CP: variants seen among roughly 807,000 people sequenced by gnomAD.
CP encodes the protein caeruloplasmin.
CP carries 64 observed loss-of-function variants against 122.4 expected under a neutral mutation model. That is an observed-to-expected ratio of 0.52 (90% CI 0.43 to 0.64). The LOEUF is 0.64. Ranked by LOEUF, CP falls within the 30% of genes least tolerant of loss-of-function variation. The pLI is 0.00. For missense variants in CP, 1,167 were observed against 1,284.4 expected, an observed-to-expected ratio of 0.91 and a Z score of 1.40; for synonymous variants, 440 against 436.4, an observed-to-expected ratio of 1.01 and a Z score of -0.10.
Position 149,172,518 on chromosome 3 carries a change from AC to A in CP, c.*1195del, listed in dbSNP as rs1249250776. On this transcript the variant is annotated 3_prime_UTR_variant, in exon 19 of 19. Transcript: ENST00000264613. Reference sequence around the variant, plus strand: ...CATACATTTTTTAAGGTGGGGATTGACTTTTATTCCAAGGAACAACATCAGT... The same window carrying A: ...CATACATTTTTTAAGGTGGGGATTGATTTTATTCCAAGGAACAACATCAGT... The A allele has an allele frequency of 7.1e-6, 2 of 280,330 alleles. No individual in the cohort carries two copies. The highest frequency in any genetic ancestry group is 4.4e-5 in the African/African-American group (2 of 45,428). 17.4% of individuals were successfully genotyped at this position (280,330 alleles called of 1,614,324 possible). A position where few individuals can be genotyped will look rare whatever the true frequency, so the allele number is the denominator to read the frequency against.
chr3:149,178,869 A>G (rs1725596202), intron 15 of CP, among the ~76,000 whole-genome samples: 2 of 152,230 alleles, frequency 1.3e-5, no homozygotes. Flanking sequence ...CTGCAGAGGC[A>G]AAAATTAGCT....
chr3:149,212,330 T>C (rs1291659283), intron 2 of CP, 121 bp downstream of exon 2: 2 of 1,009,776 alleles, frequency 2.0e-6, no homozygotes, highest in Non-Finnish European at 2.8e-6. Context: ...AAAAAAAAAA[T>C]AGTTAAGAGC....
At chr3:149,162,717 A>G in exon 6 of CP, 1 of 1,614,032 alleles carries the variant, frequency 6.2e-7, no homozygotes. Context: ...TGAAGATACA[A>G]TTCCTCAGCT....
chr3:149,198,629 A>G (rs752223802), intron 8 of CP, 51 bp from the exon 9 acceptor site: 7 of 1,516,234 alleles, frequency 4.6e-6, no homozygotes, highest in Non-Finnish European at 6.4e-6. Context: ...TAACGTGGTC[A>G]TTTGAGCCAC....
At chr3:149,216,811 A>C (rs116756443) in intron 1 of CP, among the ~76,000 whole-genome samples, 2,311 of 152,038 alleles carry the variant, frequency 0.015, 69 homozygotes, top group African/African-American at 0.053. Context: ...GAATTTGGTC[A>C]GTGTGAAATG....
chr3:149,167,343 C>T (rs1442548476), intron 4 of CP: 2 of 869,604 alleles, frequency 2.3e-6, no homozygotes, highest in African/African-American at 1.7e-5. Flanking sequence ...GCTAATCCAA[C>T]ATCATAAGGC....
downstream of CP, chr3:149,167,831 T>G: frequency 1.0e-6 from 1 of 976,048 alleles, no homozygotes; most frequent in Non-Finnish European, 1.7e-6. Flanking sequence ...CTTCTTATTC[T>G]CCTTTGAAAT....
chr3:149,168,931 C>A (rs1320487927), downstream of CP, among the ~76,000 whole-genome samples: 1 of 152,128 alleles, frequency 6.6e-6, no homozygotes, highest in Non-Finnish European at 1.5e-5. Flanking sequence ...AAGACTCTTT[C>A]TTCATCCTTT....
At position 149,181,985 on chromosome 3, in the gene CP, A is replaced by ACCCCCG. The variant is rs1553758504; in HGVS notation, c.2554+14_2554+19dup. On this transcript the variant is annotated intron_variant, in intron 14 of 18. Coordinates refer to ENST00000264613, the MANE Select transcript of CP (RefSeq NM_000096.4). ...CAGCCTGTTAAAATGCACCACCCCCACCCCCGCCCCCGTGAGTACCTGGTA... is the reference window on the plus strand; with the variant it reads ...CAGCCTGTTAAAATGCACCACCCCCACCCCCGCCCCCGCCCCCGTGAGTACCTGGTA... The ACCCCCG allele has an allele frequency of 9.8e-6, 4 of 409,044 alleles. No homozygotes were observed. The highest frequency in any genetic ancestry group is 3.6e-5 in the South Asian group (2 of 55,238). The allele number at this position is 409,044 out of a possible 1,614,324, so 25.3% of individuals were successfully genotyped here.
rs543522609 is a variant in CP at position 149,180,559 on chromosome 3, T to A, written c.2555-897A>T. Among the ~76,000 whole-genome samples, 12 of 152,286 alleles carry A rather than the reference T, an allele frequency of 7.9e-5. No homozygotes were observed. The South Asian group carries it at 2.5e-3, about 32-fold the overall frequency. ...CCATTACATATTCATGCTATCACAC[T>A]AACCTGCCAGAGTCCAACAGACATT... On this transcript the variant is annotated intron_variant, in intron 14 of 18. Coordinates refer to ENST00000264613, the MANE Select transcript of CP (RefSeq NM_000096.4).
At chr3:149,219,017 T>C (rs1291871984) in intron 1 of CP, among the ~76,000 whole-genome samples, 12 of 152,198 alleles carry the variant, frequency 7.9e-5, no homozygotes, top group Admixed American at 7.9e-4. Flanking sequence ...GGGCTAAACA[T>C]GCTGCAAATC....
At chr3:149,206,059 A>T (rs2108286961) in intron 6 of CP, 109 bp downstream of exon 6, 1 of 950,456 alleles carries the variant, frequency 1.1e-6, no homozygotes, top group Non-Finnish European at 1.6e-6. Flanking sequence ...CAGTCTAGTT[A>T]CTCAATTTCA....
intron 9 of CP, among the ~76,000 whole-genome samples, chr3:149,191,260 T>G (rs1023696470): frequency 2.7e-5 from 4 of 150,370 alleles, no homozygotes; most frequent in Admixed American, 6.7e-5. Context: ...TTTTTTTTTT[T>G]TTTGCAGAAC....
chr3:149,163,789 A>G, intron 5 of CP: 3 of 967,878 alleles, frequency 3.1e-6, no homozygotes, highest in Non-Finnish European at 5.0e-6. Flanking sequence ...TGGAATGGAT[A>G]AGCAAGCTTT....
intron 9 of CP, among the ~76,000 whole-genome samples, chr3:149,194,657 T>G (rs917065656): frequency 1.3e-5 from 2 of 152,114 alleles, no homozygotes; most frequent in African/African-American, 4.8e-5. Context: ...TATAAAATAC[T>G]CTTGAAAAAC....
chr3:149,188,330 G>C, intron 9 of CP, 128 bp from the exon 10 acceptor site: 3 of 731,682 alleles, frequency 4.1e-6, no homozygotes, highest in Non-Finnish European at 6.6e-6. Flanking sequence ...GTTGCTCTTT[G>C]TAAACTAGGG....
chr3:149,177,507 A>G (rs1725493756), intron 17 of CP, among the ~76,000 whole-genome samples: 1 of 152,208 alleles, frequency 6.6e-6, no homozygotes, highest in South Asian at 2.1e-4. Flanking sequence ...GCATATTTCC[A>G]TTTAACTTAT....
At chr3:149,165,960 C>T (rs1268458774) in exon 5 of CP, 1 of 454,012 alleles carries the variant, frequency 2.2e-6, no homozygotes, top group Non-Finnish European at 4.4e-6. Flanking sequence ...TTCTCCTGGT[C>T]ATTCCTTGGT....
At chr3:149,179,486 C>A in intron 15 of CP, 70 bp downstream of exon 15, 1 of 1,186,334 alleles carries the variant, frequency 8.4e-7, no homozygotes. Context: ...CAGGAAAACA[C>A]TAACCTTGTC....
Sources: allele counts gnomAD v4.1 joint callset (sites outside exome capture counted in the v4.1 genomes callset), GRCh38; gene constraint gnomAD v4.1.1; transcripts MANE v1.5; gene names NCBI Gene and HGNC (gene_info 2026-07-23, HGNC 2026-07-21).